The following KIF6 variants were observed in gnomAD, a reference collection of about 807,000 sequenced individuals.
KIF6 encodes kinesin-like protein KIF6.
In KIF6, 106 loss-of-function variants were observed where a neutral mutation model predicts 112.7. The observed-to-expected ratio is 0.94, with a 90% confidence interval of 0.80 to 1.11. The LOEUF (loss-of-function observed/expected upper bound fraction) is 1.11. KIF6 is among the 50% of genes least tolerant of loss of function. The pLI is 0.00. For synonymous variants in KIF6, 339 were observed against 339.9 expected, an observed-to-expected ratio of 1.00 and a Z score of 0.03; for missense variants, 929 against 964.0, an observed-to-expected ratio of 0.96 and a Z score of 0.48.
intron 15 of KIF6, among the ~76,000 whole-genome samples, chr6:39,419,619 G>C (rs1281430343): frequency 1.3e-5 from 2 of 152,190 alleles, no homozygotes; most frequent in Non-Finnish European, 2.9e-5. Context: ...AATACGAAAT[G>C]ACGTCTCACT....
intron 3 of KIF6, among the ~76,000 whole-genome samples, chr6:39,670,359 A>G (rs896639756): frequency 2.6e-5 from 4 of 152,252 alleles, no homozygotes; most frequent in African/African-American, 9.6e-5. Flanking sequence ...TTAATTAGTA[A>G]TAGCCTACTG....
intron 15 of KIF6, among the ~76,000 whole-genome samples, chr6:39,397,770 C>T (rs9367004): frequency 0.036 from 5,427 of 152,134 alleles, 218 homozygotes; most frequent in East Asian, 0.23. Context: ...CCGAGAACTA[C>T]ACTTCTTCAG....
intron 7 of KIF6, among the ~76,000 whole-genome samples, chr6:39,587,624 T>C (rs1414152914): frequency 6.6e-6 from 1 of 152,106 alleles, no homozygotes; most frequent in East Asian, 1.9e-4. Context: ...CACTTCGAGC[T>C]GATGGCCACA....
At chr6:39,449,677 C>T (rs117407583) in intron 13 of KIF6, among the ~76,000 whole-genome samples, 1 of 152,310 alleles carries the variant, frequency 6.6e-6, no homozygotes, top group East Asian at 1.9e-4. Context: ...GTTCAGTGCT[C>T]CTTCTCCAGT....
intron 16 of KIF6, among the ~76,000 whole-genome samples, chr6:39,377,366 C>A (rs1445335087): frequency 6.6e-6 from 1 of 151,216 alleles, no homozygotes; most frequent in Non-Finnish European, 1.5e-5. Context: ...CCCCATCCCC[C>A]CCCAACCCCG....
chr6:39,443,156 T>TAATAATAATAATAATA (rs1554217804), intron 13 of KIF6, among the ~76,000 whole-genome samples: 1 of 113,090 alleles, frequency 8.8e-6, no homozygotes, highest in African/African-American at 3.4e-5. Flanking sequence ...ATAATAATAA[T>TAATAATAATAATAATA]AATAAATAAA....
At chr6:39,562,847 G>C (rs1463242909) in intron 10 of KIF6, among the ~76,000 whole-genome samples, 1 of 152,216 alleles carries the variant, frequency 6.6e-6, no homozygotes, top group Non-Finnish European at 1.5e-5. Flanking sequence ...CTATGAGGTA[G>C]AGAATATTTC....
chr6:39,596,262 T>C lies in KIF6; in HGVS notation c.640-2A>G, dbSNP rs1782260306. ...GGTTGAAGCTTGGTTCATAGGAGTC[T>C]ATAAAAAAATTGCAAAACAAAAATT... On this transcript the variant is annotated splice_acceptor_variant, in intron 6 of 22. Transcript: ENST00000287152. LOFTEE classifies it high-confidence loss of function. 3 of 1,603,080 alleles carry C rather than the reference T, an allele frequency of 1.9e-6. No homozygotes were observed. The highest frequency in any genetic ancestry group is 1.7e-6 in the Non-Finnish European group (2 of 1,174,628).
chr6:39,551,115 C>T (rs968139597), intron 10 of KIF6, among the ~76,000 whole-genome samples: 4 of 152,130 alleles, frequency 2.6e-5, no homozygotes, highest in Admixed American at 6.6e-5. Context: ...ACCCAGTAGT[C>T]GGATTGCTGG....
intron 15 of KIF6, among the ~76,000 whole-genome samples, chr6:39,417,650 A>G (rs1480475620): frequency 6.6e-6 from 1 of 152,170 alleles, no homozygotes; most frequent in Non-Finnish European, 1.5e-5. Flanking sequence ...CAACCTGCCT[A>G]ATCTTCAGAA....
At chr6:39,452,894 GATTCTT>G (rs1204814827) in intron 13 of KIF6, among the ~76,000 whole-genome samples, 5 of 152,214 alleles carry the variant, frequency 3.3e-5, no homozygotes, top group Non-Finnish European at 7.3e-5. Flanking sequence ...ATAATGCTAT[GATTCTT>G]GGACATTCTC....
chr6:39,377,040 G>C (rs1766496202), intron 16 of KIF6, among the ~76,000 whole-genome samples: 1 of 152,150 alleles, frequency 6.6e-6, no homozygotes, highest in Admixed American at 6.5e-5. Context: ...CACTGGGCTA[G>C]AGGATGCTGG....
chr6:39,475,496 G>T (rs937805552), intron 13 of KIF6, among the ~76,000 whole-genome samples: 8 of 152,080 alleles, frequency 5.3e-5, no homozygotes, highest in Admixed American at 5.2e-4. Flanking sequence ...ATTTTCCTAG[G>T]TCCCTGACAA....
At chr6:39,476,483 A>G (rs1036748590) in intron 13 of KIF6, among the ~76,000 whole-genome samples, 9 of 152,186 alleles carry the variant, frequency 5.9e-5, no homozygotes, top group Admixed American at 3.3e-4. Flanking sequence ...AAGAAACTCA[A>G]GCTTCTAACT....
intron 19 of KIF6, among the ~76,000 whole-genome samples, chr6:39,352,955 G>A (rs1323808493): frequency 1.3e-5 from 2 of 152,072 alleles, no homozygotes; most frequent in Non-Finnish European, 2.9e-5. Flanking sequence ...CTTTTTGGAG[G>A]ACATCTTGGT....
At chr6:39,489,768 C>T (rs1388509494) in intron 13 of KIF6, among the ~76,000 whole-genome samples, 1 of 152,122 alleles carries the variant, frequency 6.6e-6, no homozygotes, top group African/African-American at 2.4e-5. Context: ...CGATACAAAC[C>T]TACAGGCTCA....
intron 19 of KIF6, among the ~76,000 whole-genome samples, chr6:39,349,641 T>TC (rs1360399458): frequency 9.9e-6 from 1 of 100,752 alleles, no homozygotes; most frequent in East Asian, 2.7e-4. Flanking sequence ...CTTTTTTTTT[T>TC]TTTTTTTTTT....
intron 3 of KIF6, among the ~76,000 whole-genome samples, chr6:39,641,939 C>G (rs1232930995): frequency 2.0e-5 from 3 of 152,090 alleles, no homozygotes; most frequent in Non-Finnish European, 2.9e-5. Context: ...AAGGGTAAGG[C>G]TTGACCTATA....
intron 3 of KIF6, among the ~76,000 whole-genome samples, chr6:39,665,265 G>A (rs1037305525): frequency 2.0e-5 from 3 of 152,130 alleles, no homozygotes; most frequent in East Asian, 1.9e-4. Flanking sequence ...AAATGCAGAC[G>A]TACAAAATGG....
Sources: gnomAD v4.1 joint callset for allele counts (sites outside exome capture counted in the v4.1 genomes callset) on GRCh38, gnomAD v4.1.1 for gene constraint, MANE v1.5 for transcripts, NCBI Gene and HGNC (gene_info 2026-07-23, HGNC 2026-07-21) for gene names.